Variants in PDZRN4 observed in about 807,000 individuals in gnomAD.
PDZRN4 encodes the protein PDZ domain-containing RING finger protein 4.
In PDZRN4, 70 loss-of-function variants were observed where a neutral mutation model predicts 99.0. The ratio of observed to expected loss-of-function variants is 0.71; its 90% CI spans 0.58 to 0.86. The LOEUF (loss-of-function observed/expected upper bound fraction) is 0.86. Ranked by LOEUF, PDZRN4 falls within the 40% of genes least tolerant of loss-of-function variation. The probability of loss-of-function intolerance (pLI) is 0.00; values close to 1 mark genes in which losing one functional copy is unlikely to be tolerated. For synonymous variants in PDZRN4, 551 were observed against 501.6 expected, an observed-to-expected ratio of 1.10 and a Z score of -1.32; for missense variants, 1,474 against 1,331.2, an observed-to-expected ratio of 1.11 and a Z score of -1.67.
At chr12:41,508,745 C>A (rs932980038) in intron 4 of PDZRN4, among the ~76,000 whole-genome samples, 3 of 152,062 alleles carry the variant, frequency 2.0e-5, no homozygotes, top group African/African-American at 2.4e-5. Context: ...GAGCTGACAG[C>A]CATAGATAGT....
intron 3 of PDZRN4, among the ~76,000 whole-genome samples, chr12:41,280,319 G>GT (rs918207412): frequency 4.6e-5 from 7 of 152,126 alleles, no homozygotes; most frequent in African/African-American, 1.4e-4. Flanking sequence ...AGCTGTGGGA[G>GT]TTTTTTTCCG....
intron 3 of PDZRN4, among the ~76,000 whole-genome samples, chr12:41,302,363 T>C (rs1162781741): frequency 6.6e-6 from 1 of 152,172 alleles, no homozygotes; most frequent in Admixed American, 6.5e-5. Flanking sequence ...ATTGATATTG[T>C]AGCTTCTTGT....
chr12:41,544,435 A>G (rs1481161435), intron 5 of PDZRN4, among the ~76,000 whole-genome samples: 1 of 152,224 alleles, frequency 6.6e-6, no homozygotes, highest in Non-Finnish European at 1.5e-5. Flanking sequence ...AACTAATTCA[A>G]CAAACGCATG....
chr12:41,295,805 A>G (rs1003391773), intron 3 of PDZRN4, among the ~76,000 whole-genome samples: 3 of 152,190 alleles, frequency 2.0e-5, no homozygotes, highest in Non-Finnish European at 4.4e-5. Context: ...CATCAAATGT[A>G]CGGTAAAGCT....
In PDZRN4 at chr12:41,326,685, G is replaced by A. The variant is rs190392747; in HGVS notation, c.843+132497G>A. Reference sequence around the variant, plus strand: ...AATTCTGGTGCAGGCAGTTATCTTCGACCCAGTATATTTTCCTCCATGAAA... The same window carrying A: ...AATTCTGGTGCAGGCAGTTATCTTCAACCCAGTATATTTTCCTCCATGAAA... On this transcript the variant is annotated intron_variant, in intron 3 of 9. Transcript: ENST00000402685. 2.0e-3 allele frequency among the ~76,000 whole-genome samples: 299 copies of A among 152,174 alleles called. 1 individual carries two copies. The highest frequency in any genetic ancestry group is 3.4e-3 in the Middle Eastern group (1 of 294).
At chr12:41,408,111 A>T (rs1314566010) in intron 3 of PDZRN4, among the ~76,000 whole-genome samples, 1 of 152,228 alleles carries the variant, frequency 6.6e-6, no homozygotes, top group Non-Finnish European at 1.5e-5. Flanking sequence ...AACTAGAAAA[A>T]AATGTCAGAA....
intron 3 of PDZRN4, among the ~76,000 whole-genome samples, chr12:41,423,524 C>A (rs1473031991): frequency 6.6e-6 from 1 of 152,114 alleles, no homozygotes; most frequent in African/African-American, 2.4e-5. Flanking sequence ...TCTACTAAGA[C>A]AGTTTTCCCA....
At chr12:41,478,201 C>T (rs1592076743) in intron 3 of PDZRN4, among the ~76,000 whole-genome samples, 1 of 152,056 alleles carries the variant, frequency 6.6e-6, no homozygotes. Flanking sequence ...CTGCAACCTC[C>T]GCCTCCCAGG....
intron 3 of PDZRN4, among the ~76,000 whole-genome samples, chr12:41,314,572 G>T (rs1951626874): frequency 6.6e-6 from 1 of 152,154 alleles, no homozygotes. Context: ...GTATTGAGTA[G>T]AAATATTCCA....
intron 3 of PDZRN4, among the ~76,000 whole-genome samples, chr12:41,456,494 C>A (rs924636584): frequency 1.3e-5 from 2 of 152,078 alleles, no homozygotes; most frequent in Non-Finnish European, 2.9e-5. Context: ...AGGGAATAAT[C>A]CAAGAAGACA....
intron 3 of PDZRN4, chr12:41,411,884 C>G (rs967382802): frequency 6.6e-6 from 1 of 152,046 alleles, no homozygotes; most frequent in Admixed American, 6.6e-5. Flanking sequence ...TTCTTGTTGA[C>G]AGAGGGAGAT....
At chr12:41,293,831 G>A (rs79783854) in intron 3 of PDZRN4, among the ~76,000 whole-genome samples, 9 of 152,232 alleles carry the variant, frequency 5.9e-5, no homozygotes, top group African/African-American at 2.2e-4. Flanking sequence ...CATTCTAGAT[G>A]TCATGGAGAA....
intron 3 of PDZRN4, among the ~76,000 whole-genome samples, chr12:41,197,155 T>G (rs1215205525): frequency 2.0e-5 from 3 of 152,108 alleles, no homozygotes; most frequent in African/African-American, 7.2e-5. Flanking sequence ...CATACAAGTT[T>G]ATGAATTGTT....
intron 3 of PDZRN4, among the ~76,000 whole-genome samples, chr12:41,233,912 A>G (rs2120763752): frequency 6.6e-6 from 1 of 152,182 alleles, no homozygotes; most frequent in East Asian, 1.9e-4. Context: ...CATGTTGTGC[A>G]CATGTACCCT....
chr12:41,313,233 A>G (rs1313871572), intron 3 of PDZRN4, among the ~76,000 whole-genome samples: 1 of 152,160 alleles, frequency 6.6e-6, no homozygotes, highest in Admixed American at 6.5e-5. Flanking sequence ...CTGTACTACC[A>G]CATTAGTTCA....
At chr12:41,319,923 C>T (rs1461773309) in intron 3 of PDZRN4, among the ~76,000 whole-genome samples, 1 of 152,218 alleles carries the variant, frequency 6.6e-6, no homozygotes, top group Non-Finnish European at 1.5e-5. Flanking sequence ...AGAGCCACTC[C>T]ATCTCTGCTG....
intron 3 of PDZRN4, among the ~76,000 whole-genome samples, chr12:41,502,175 T>C (rs1266296474): frequency 6.6e-6 from 1 of 152,088 alleles, no homozygotes; most frequent in Non-Finnish European, 1.5e-5. Flanking sequence ...AATCCAATCG[T>C]CCCACCCTGG....
At chr12:41,487,984 G>A (rs1277138640) in intron 3 of PDZRN4, among the ~76,000 whole-genome samples, 2 of 152,160 alleles carry the variant, frequency 1.3e-5, no homozygotes, top group Non-Finnish European at 2.9e-5. Flanking sequence ...ATGAATGAAT[G>A]AATAAGCAAT....
rs563561304 is a variant in PDZRN4, at chr12:41,286,168, C to T, written c.843+91980C>T. 4.6e-5 allele frequency among the ~76,000 whole-genome samples: 7 copies of T among 151,788 alleles called. No individual in the cohort carries two copies. The South Asian group carries it at 1.5e-3, about 32-fold the overall frequency. On this transcript the variant is annotated intron_variant, in intron 3 of 9. Transcript: ENST00000402685. ...TAAGGAGACTATTCTGCCTAAAATT[C>T]TGTGTTACTATTTTGTATTTAAGTA...
Sources: gnomAD v4.1 joint callset for allele counts (sites outside exome capture counted in the v4.1 genomes callset) on GRCh38, gnomAD v4.1.1 for gene constraint, MANE v1.5 for transcripts, NCBI Gene and HGNC (gene_info 2026-07-23, HGNC 2026-07-21) for gene names.